The following PTPRB variants were observed in gnomAD, a reference collection of about 807,000 sequenced individuals.
The protein encoded by PTPRB is receptor-type tyrosine-protein phosphatase beta.
Under a neutral mutation model 238.1 loss-of-function variants are expected in PTPRB, and 97 were observed. The ratio of observed to expected loss-of-function variants is 0.41; its 90% CI spans 0.35 to 0.48. The LOEUF is 0.48. PTPRB is among the 20% of genes least tolerant of loss of function. The pLI, the probability that PTPRB is intolerant of heterozygous loss-of-function variation, is 0.30. For synonymous variants in PTPRB, 970 were observed against 995.4 expected (o/e 0.97, Z 0.48); for missense variants, 2,292 against 2,681.9 (o/e 0.85, Z 3.21).
intron 3 of PTPRB, chr12:70,609,899 C>A: frequency 1.5e-6 from 2 of 1,317,258 alleles, no homozygotes; most frequent in South Asian, 1.7e-5. Context: ...TCACCTGTTG[C>A]GCGCGCTCAG....
At position 70,617,223 on chromosome 12, in the gene PTPRB, T is replaced by A. The variant is rs570546352; in HGVS notation, c.708+5167A>T. On this transcript the variant is annotated intron_variant, in intron 3 of 33. Transcript: ENST00000334414. The stretch of plus-strand genomic sequence containing the variant: ...AGATTTTCAGGCTGGTGGGGTCCAG[T>A]GAATTGTAGACCATCTTTATGCTAT... Among the ~76,000 whole-genome samples the A allele has an allele frequency of 4.6e-5, 7 of 152,336 alleles. No homozygotes were observed. In the South Asian group the frequency reaches 1.2e-3, roughly 27 times the overall value.
intron 27 of PTPRB, chr12:70,538,437 A>G (rs754674752): frequency 3.2e-5 from 17 of 530,006 alleles, no homozygotes; most frequent in South Asian, 5.7e-5. Flanking sequence ...AGGAGACAAC[A>G]TGAAGCCCCA....
chr12:70,622,248 G>T, intron 3 of PTPRB, 142 bp downstream of exon 3: 1 of 1,258,018 alleles, frequency 7.9e-7, no homozygotes, highest in Non-Finnish European at 1.1e-6. Context: ...ATGCTTTCCT[G>T]TACAATTAGC....
At chr12:70,534,084 G>A (rs1873710208) in intron 31 of PTPRB, among the ~76,000 whole-genome samples, 1 of 152,224 alleles carries the variant, frequency 6.6e-6, no homozygotes, top group Admixed American at 6.5e-5. Flanking sequence ...TGGAAGAATG[G>A]CCAGAGGCAA....
At chr12:70,564,383 A>G (rs1016318458) in intron 15 of PTPRB, among the ~76,000 whole-genome samples, 5 of 151,856 alleles carry the variant, frequency 3.3e-5, no homozygotes, top group Non-Finnish European at 5.9e-5. Flanking sequence ...GTAGTGGTGC[A>G]TACCTGTAGT....
At chr12:70,583,646 A>T (rs1385022787) in intron 9 of PTPRB, among the ~76,000 whole-genome samples, 1 of 152,086 alleles carries the variant, frequency 6.6e-6, no homozygotes, top group Non-Finnish European at 1.5e-5. Flanking sequence ...GGAGAAAACG[A>T]TTTCCTCTGA....
intron 26 of PTPRB, 110 bp downstream of exon 26, chr12:70,539,515 C>T (rs759353702): frequency 6.0e-6 from 5 of 836,542 alleles, no homozygotes; most frequent in Non-Finnish European, 9.6e-6. Context: ...AGATTCTAAG[C>T]AGCCTCCTAA....
intron 3 of PTPRB, among the ~76,000 whole-genome samples, chr12:70,619,886 C>T (rs1173708920): frequency 6.6e-6 from 1 of 152,202 alleles, no homozygotes; most frequent in Non-Finnish European, 1.5e-5. Flanking sequence ...AAGGGACAGG[C>T]AATTTATATC....
At chr12:70,543,297 T>A (rs1249733144) in intron 22 of PTPRB, among the ~76,000 whole-genome samples, 1 of 152,200 alleles carries the variant, frequency 6.6e-6, no homozygotes, top group Non-Finnish European at 1.5e-5. Flanking sequence ...CTTAGATTTG[T>A]TTGTTCCATG....
At chr12:70,523,210 A>G (rs1259836901) in intron 33 of PTPRB, among the ~76,000 whole-genome samples, 14 of 152,012 alleles carry the variant, frequency 9.2e-5, no homozygotes, top group Non-Finnish European at 2.1e-4. Context: ...GGTGGAGTGC[A>G]GTGGCACAAT....
chr12:70,596,064 T>A lies in PTPRB; in HGVS notation c.1243A>T (p.Thr415Ser). The change falls in exon 5 of 34, where the codon ACC (threonine) becomes TCC (serine). Residue 415 changes from threonine to serine, a missense_variant. Thr to Ser is a moderately conservative substitution (Grantham distance 58, BLOSUM62 1). This residue lies in a region of PTPRB where 1,205 missense variants were observed against 1,287.8 expected (regional missense o/e 0.94). Transcript: ENST00000334414. ...SGGKRSFSVY[T>S]NGSTVPSPVK... ...CAGGTCTTACCTGTTGATCCATTGGTATAAACTGAAAAAGAACGTTTTCCT... is the reference window on the plus strand; with the variant it reads ...CAGGTCTTACCTGTTGATCCATTGGAATAAACTGAAAAAGAACGTTTTCCT... 6.2e-7 allele frequency: 1 copy of A among 1,608,160 alleles called. No homozygotes were observed. The highest frequency in any genetic ancestry group is 8.5e-7 in the Non-Finnish European group (1 of 1,176,066).
chr12:70,572,935 G>T (rs541054579), intron 11 of PTPRB, among the ~76,000 whole-genome samples: 2 of 151,962 alleles, frequency 1.3e-5, no homozygotes, highest in African/African-American at 4.8e-5. Context: ...CCATTTGACT[G>T]GCAAAATTAA....
chr12:70,594,534 G>T lies in PTPRB; in HGVS notation c.1449C>A (p.Leu483=), dbSNP rs1419164276. Residue 483 remains leucine, a synonymous_variant, in exon 6 of 34, where the codon CTC becomes CTA. Transcript: ENST00000334414. ...CCTCAGTCATAACAGTGAGGTTGTA[G>T]AGGTAGCCAGGGGTCAGCCCGTGAA... is the stretch of plus-strand genomic sequence containing the variant. The part of the protein sequence containing the change: ...YAFHGLTPGY[L]YNLTVMTEAA... 7 of 1,613,916 alleles carry T rather than the reference G, an allele frequency of 4.3e-6. No homozygotes were observed. The highest frequency in any genetic ancestry group is 5.1e-6 in the Non-Finnish European group (6 of 1,179,910).
intron 6 of PTPRB, among the ~76,000 whole-genome samples, chr12:70,594,021 G>A (rs1326677904): frequency 6.6e-6 from 1 of 152,220 alleles, no homozygotes; most frequent in Non-Finnish European, 1.5e-5. Flanking sequence ...GGCTGTGGGA[G>A]TAGGTCCTGT....
rs1044064243 is a variant in PTPRB, at chr12:70,576,588, C to T, written c.2636G>A (p.Ser879Asn). The stretch of plus-strand genomic sequence containing the variant: ...TCCGGGCGCCAGCAGCCAGGAAACG[C>T]TGAGGTAGTCATTACGACCGGAATT... ...VNNSGRNDYL[S>N]VSWLLAPGDV... Residue 879 changes from serine (S) to asparagine (N), a missense_variant, in exon 11 of 34, where the codon AGC becomes AAC. By Grantham distance (46) the Ser-to-Asn change is conservative. Around this residue, in one of 4 missense-constraint regions of PTPRB, gnomAD observed 1,205 missense variants for 1,287.8 expected, o/e 0.94. Transcript: ENST00000334414. The T allele has an allele frequency of 6.4e-5, 98 of 1,538,002 alleles. No homozygotes were observed. The highest frequency in any genetic ancestry group is 8.5e-5 in the Non-Finnish European group (97 of 1,142,610).
At chr12:70,534,407 C>A in intron 31 of PTPRB, 81 bp downstream of exon 31, 2 of 1,485,364 alleles carry the variant, frequency 1.3e-6, no homozygotes, top group Non-Finnish European at 1.8e-6. Flanking sequence ...ACCAAATTCC[C>A]CATGCTTATG....
intron 4 of PTPRB, among the ~76,000 whole-genome samples, chr12:70,604,047 C>T (rs757907754): frequency 2.0e-5 from 3 of 152,060 alleles, no homozygotes; most frequent in Non-Finnish European, 4.4e-5. Context: ...CAAAACCAGC[C>T]TGAGCAACAT....
At chr12:70,564,861 T>C (rs11610104) in intron 15 of PTPRB, among the ~76,000 whole-genome samples, 7,602 of 96,440 alleles carry the variant, frequency 0.079, 675 homozygotes, top group African/African-American at 0.21. Flanking sequence ...ATAATAATAA[T>C]AATAATAATA....
chr12:70,586,097 G>A (rs913532560), intron 9 of PTPRB, among the ~76,000 whole-genome samples: 3 of 152,078 alleles, frequency 2.0e-5, no homozygotes, highest in Admixed American at 6.6e-5. Context: ...GAATAGTGCC[G>A]CAATAAACAT....
Sources: allele counts gnomAD v4.1 joint callset (sites outside exome capture counted in the v4.1 genomes callset), GRCh38; gene constraint gnomAD v4.1.1; regional missense constraint gnomAD v4.1.1; transcripts MANE v1.5; gene names NCBI Gene and HGNC (gene_info 2026-07-23, HGNC 2026-07-21).